The following LRRC37A2 variants were observed in gnomAD, a reference collection of about 807,000 sequenced individuals.
The protein encoded by LRRC37A2 is leucine rich repeat containing 37 member A2, also known as leucine-rich repeat-containing protein 37A2.
Under a neutral mutation model 68.8 loss-of-function variants are expected in LRRC37A2, and 9 were observed. That is an observed-to-expected ratio of 0.13 (90% CI 0.08 to 0.23). LRRC37A2 has a LOEUF of 0.23. Ranked by LOEUF, LRRC37A2 falls within the 10% of genes least tolerant of loss-of-function variation. The pLI, the probability that LRRC37A2 is intolerant of heterozygous loss-of-function variation, is 1.00. For missense variants in LRRC37A2, 168 were observed against 950.4 expected, an observed-to-expected ratio of 0.18 and a Z score of 10.82; for synonymous variants, 63 against 367.6, an observed-to-expected ratio of 0.17 and a Z score of 9.48.
the LRRC37A2 span, among the ~76,000 whole-genome samples, chr17:46,392,409 T>TC: frequency 2.0e-5 from 1 of 49,524 alleles, no homozygotes; most frequent in Admixed American, 1.8e-4. Flanking sequence ...CTTTCTTTCT[T>TC]TCTCTCTCTC....
the LRRC37A2 span, among the ~76,000 whole-genome samples, chr17:46,944,487 C>T: frequency 6.6e-6 from 1 of 152,222 alleles, no homozygotes; most frequent in Non-Finnish European, 1.5e-5. Context: ...CAGTGACCCT[C>T]AGCCTGGGCT....
At chr17:46,939,003 C>A in the LRRC37A2 span, 15 of 1,351,560 alleles carry the variant, frequency 1.1e-5, no homozygotes, top group Non-Finnish European at 1.4e-5. Flanking sequence ...GGGTCTGTCT[C>A]TCTCACTCTC....
the LRRC37A2 span, chr17:46,922,952 C>T: frequency 1.7e-6 from 1 of 591,094 alleles, no homozygotes; most frequent in Non-Finnish European, 3.0e-6. Context: ...CGAACATGTA[C>T]ACCGCCTTGC....
At chr17:46,669,773 CTT>C in the LRRC37A2 span, among the ~76,000 whole-genome samples, 1 of 60,844 alleles carries the variant, frequency 1.6e-5, no homozygotes, top group Non-Finnish European at 3.3e-5. Context: ...CTGCTTAAAA[CTT>C]TTCACAGCTT....
the LRRC37A2 span, chr17:47,019,349 A>G: frequency 6.2e-7 from 1 of 1,610,138 alleles, no homozygotes; most frequent in Non-Finnish European, 8.5e-7. Flanking sequence ...CCACCGTTCA[A>G]CCTCTGGACC....
chr17:46,941,214 G>A, the LRRC37A2 span: 1 of 997,368 alleles, frequency 1.0e-6, no homozygotes, highest in Middle Eastern at 5.2e-4. Flanking sequence ...GTAAGTTAGA[G>A]GAGTCTTGAT....
the LRRC37A2 span, chr17:46,851,748 CG>C: frequency 8.5e-7 from 1 of 1,175,302 alleles, no homozygotes; most frequent in Non-Finnish European, 1.1e-6. This position sits in a 1 kb window ranked among gnomAD's most constrained non-coding sequence, Gnocchi z 4.3. Context: ...GCCCGCTCCC[CG>C]GCCTGCCTGT....
the LRRC37A2 span, among the ~76,000 whole-genome samples, chr17:46,797,044 T>C: frequency 6.6e-6 from 1 of 152,172 alleles, no homozygotes; most frequent in African/African-American, 2.4e-5. Context: ...AGGTTAAATA[T>C]TTTTGGAAAA....
chr17:46,808,802 T>TA, the LRRC37A2 span, among the ~76,000 whole-genome samples: 198 of 150,950 alleles, frequency 1.3e-3, no homozygotes, highest in Non-Finnish European at 2.2e-3. Flanking sequence ...GAACTGGGAT[T>TA]AAAAAAAAAG....
chr17:47,006,548 G>A, the LRRC37A2 span, among the ~76,000 whole-genome samples: 2 of 152,196 alleles, frequency 1.3e-5, no homozygotes, highest in Non-Finnish European at 2.9e-5. Context: ...GGAGGCAGAG[G>A]TTGCAGTGAG....
the LRRC37A2 span, among the ~76,000 whole-genome samples, chr17:46,814,915 A>C: frequency 6.6e-6 from 1 of 152,142 alleles, no homozygotes; most frequent in Non-Finnish European, 1.5e-5. Flanking sequence ...GGATGGCGAG[A>C]ACTCAGGTGT....
At chr17:46,896,466 AAGAAAGAAAGAC>A in the LRRC37A2 span, among the ~76,000 whole-genome samples, 2,932 of 134,452 alleles carry the variant, frequency 0.022, 193 homozygotes, top group African/African-American at 0.083. Context: ...GAAAGAAAGA[AAGAAAGAAAGAC>A]AGACCAAGGC....
At chr17:46,661,214 CTTCTTCCTTTCCATCCTGGAATA>C in the LRRC37A2 span, among the ~76,000 whole-genome samples, 1 of 147,832 alleles carries the variant, frequency 6.8e-6, no homozygotes, top group Non-Finnish European at 1.5e-5. Flanking sequence ...TGCCTTTAGT[CTTCTTCCTTTCCATCCTGGAATA>C]TTTATTTCAG....
chr17:46,833,133 G>T, the LRRC37A2 span: 2 of 357,756 alleles, frequency 5.6e-6, no homozygotes, highest in East Asian at 1.5e-4. Context: ...CGAGCTCATG[G>T]CCCTGGCTGC....
the LRRC37A2 span, among the ~76,000 whole-genome samples, chr17:46,913,849 T>C: frequency 6.6e-6 from 1 of 152,184 alleles, no homozygotes; most frequent in Non-Finnish European, 1.5e-5. Flanking sequence ...AGCCTCTGCC[T>C]CTTGGGTTCA....
chr17:46,532,744 AT>A (rs1412036005), intron 6 of LRRC37A2, among the ~76,000 whole-genome samples: 1 of 146,402 alleles, frequency 6.8e-6, no homozygotes, highest in Non-Finnish European at 1.5e-5. Flanking sequence ...TCATATTATA[AT>A]CCTTTTTATG....
chr17:46,816,144 C>T, the LRRC37A2 span, among the ~76,000 whole-genome samples: 2 of 151,970 alleles, frequency 1.3e-5, no homozygotes, highest in African/African-American at 2.4e-5. Flanking sequence ...CACACACGCA[C>T]GCACGCACAC....
chr17:47,024,141 G>C, the LRRC37A2 span, among the ~76,000 whole-genome samples: 1 of 152,140 alleles, frequency 6.6e-6, no homozygotes, highest in African/African-American at 2.4e-5. Context: ...AGGATCACTC[G>C]AGCCAGGAGT....
At chr17:46,941,457 A>G in the LRRC37A2 span, 7 of 982,782 alleles carry the variant, frequency 7.1e-6, no homozygotes, top group Non-Finnish European at 8.5e-6. Context: ...ACACTGCTCC[A>G]TGGCCAGGGG....
Sources: gnomAD v4.1 joint callset for allele counts (sites outside exome capture counted in the v4.1 genomes callset) on GRCh38, gnomAD v4.1.1 for gene constraint, Gnocchi (gnomAD v3.1) non-coding constraint, MANE v1.5 for transcripts, NCBI Gene and HGNC (gene_info 2026-07-23, HGNC 2026-07-21) for gene names.